Variants in C3orf38 observed in about 807,000 individuals in gnomAD.
The protein encoded by C3orf38 is uncharacterized protein C3orf38.
In C3orf38, 18 loss-of-function variants were observed where a neutral mutation model predicts 28.3. The ratio of observed to expected loss-of-function variants is 0.64; its 90% CI spans 0.44 to 0.94. The LOEUF (loss-of-function observed/expected upper bound fraction) is 0.94. C3orf38 is among the 40% of genes least tolerant of loss of function. C3orf38 has a pLI of 0.00. For missense variants in C3orf38, 364 were observed against 396.4 expected, an observed-to-expected ratio of 0.92 and a Z score of 0.69; for synonymous variants, 145 against 138.1, an observed-to-expected ratio of 1.05 and a Z score of -0.35.
At position 88,156,693 on chromosome 3, in the gene C3orf38, AAG is replaced by A; in HGVS notation, c.*59_*60del. 6.5e-7 allele frequency: 1 copy of A among 1,542,356 alleles called. No homozygotes were observed. The highest frequency in any genetic ancestry group is 1.3e-5 in the South Asian group (1 of 79,008). On this transcript the variant is annotated 3_prime_UTR_variant, in exon 3 of 3. Coordinates refer to ENST00000318887, the MANE Select transcript of C3orf38 (RefSeq NM_173824.4). ...AGAACTGGGTTTACCTGACCCTCTA[AAG>A]CGCTAAGTACTGTCAGCCTGAAAAA... is the stretch of plus-strand genomic sequence containing the variant.
chr3:88,151,503 C>T (rs1707412348), intron 1 of C3orf38, among the ~76,000 whole-genome samples: 1 of 152,144 alleles, frequency 6.6e-6, no homozygotes. Flanking sequence ...TTGAATCTCT[C>T]AGGGATCTTG....
At position 88,153,013 on chromosome 3, in the gene C3orf38, G is replaced by C. The variant is rs574035218; in HGVS notation, c.134-217G>C. On this transcript the variant is annotated intron_variant, in intron 1 of 2. Coordinates refer to ENST00000318887, the MANE Select transcript of C3orf38 (RefSeq NM_173824.4). ...ACTTTCACTATCACTTATGGGAAGT[G>C]AACAGAAGAGATTTTAGGTAAGGGA... 2.6e-5 allele frequency among the ~76,000 whole-genome samples: 4 copies of C among 152,210 alleles called. No homozygotes were observed. In the East Asian group the frequency reaches 7.7e-4, roughly 29 times the overall value.
Position 88,156,324 on chromosome 3 carries a change from TCTC to T in C3orf38, c.683_685del (p.Pro228del). ...TTCACATGGACTGAAATGTGCATCT[TCTC>T]CTCATGGGCTGGTTATGGTTGGAGT... On this transcript the variant is annotated inframe_deletion, in exon 3 of 3. Transcript: ENST00000318887. 6.2e-7 allele frequency: 1 copy of T among 1,614,178 alleles called. No individual in the cohort carries two copies. The highest frequency in any genetic ancestry group is 8.5e-7 in the Non-Finnish European group (1 of 1,180,016).
rs1707474525 is a variant in C3orf38, at chr3:88,156,031, A to G, written c.386A>G (p.Glu129Gly). The G allele has an allele frequency of 6.5e-7, 1 of 1,536,866 alleles. No individual in the cohort carries two copies. Among genetic ancestry groups the G allele is most frequent in the Non-Finnish European group, 8.7e-7 (1 of 1,145,218 alleles). Reference sequence around the variant, plus strand: ...ATTTGTTTCAATCAGCAGGTGAAAGAAGATAAAAAAGCTGAAAAAGTTGAT... The same window carrying G: ...ATTTGTTTCAATCAGCAGGTGAAAGGAGATAAAAAAGCTGAAAAAGTTGAT... ...DIHLFQQQVK[E>G]DKKAEKVDFR... is the part of the protein sequence containing the mutation. The change falls in exon 3 of 3, where the codon GAA becomes GGA. Residue 129 changes from glutamate (E) to glycine (G), a missense_variant. Physicochemically the swap from Glu to Gly is moderately conservative, Grantham distance 98. Coordinates refer to ENST00000318887, the MANE Select transcript of C3orf38 (RefSeq NM_173824.4).
chr3:88,155,045 A>G (rs971715838), intron 2 of C3orf38, among the ~76,000 whole-genome samples: 1 of 152,148 alleles, frequency 6.6e-6, no homozygotes, highest in East Asian at 1.9e-4. Context: ...TTTTTAGTAG[A>G]GACGGGGTTT....
At chr3:88,155,997 A>G (rs777100104) in intron 2 of C3orf38, 24 bp from the exon 3 acceptor site, 4 of 1,499,892 alleles carry the variant, frequency 2.7e-6, no homozygotes, top group Middle Eastern at 1.8e-4. Flanking sequence ...GTTATTTTGT[A>G]TTTATTTTAT....
intron 2 of C3orf38, among the ~76,000 whole-genome samples, chr3:88,154,762 C>A (rs894322885): frequency 6.6e-6 from 1 of 152,138 alleles, no homozygotes; most frequent in African/African-American, 2.4e-5. Flanking sequence ...ATAGCAGGTG[C>A]TCAGTAAACC....
At position 88,157,792 on chromosome 3, in the gene C3orf38, T is replaced by C. The variant is rs949237207; in HGVS notation, c.*1157T>C. The C allele has an allele frequency of 6.6e-6, 1 of 152,160 alleles. No individual in the cohort carries two copies. The highest frequency in any genetic ancestry group is 2.4e-5 in the African/African-American group (1 of 41,448). 9.4% of individuals were successfully genotyped at this position (152,160 alleles called of 1,614,324 possible). On this transcript the variant is annotated 3_prime_UTR_variant, in exon 3 of 3. Transcript: ENST00000318887. ...GGGAAATGTGATGACGTATTGTACA[T>C]GTTACTTTTTCCTTTGCTATAATCA...
At chr3:88,151,125 G>A (rs974640721) in intron 1 of C3orf38, 1 of 151,864 alleles carries the variant, frequency 6.6e-6, no homozygotes, top group Non-Finnish European at 1.5e-5. Context: ...TAATTATAGG[G>A]TATCTAAAAG....
chr3:88,155,933 C>A, intron 2 of C3orf38, 88 bp from the exon 3 acceptor site: 1 of 1,008,904 alleles, frequency 9.9e-7, no homozygotes, highest in Non-Finnish European at 1.4e-6. Context: ...GTAATGGGTT[C>A]ATTCAAACTT....
rs1694668249 is a variant in C3orf38, at chr3:88,157,629, GT to G, written c.*997del. 6.6e-6 allele frequency: 1 copy of G among 152,058 alleles called. No homozygotes were observed. The allele number at this position is 152,058 out of a possible 1,614,324, so 9.4% of individuals were successfully genotyped here. Reference sequence around the variant, plus strand: ...TATTTAGTTTTTTACCTGTTACTAGGTTTGAGTTACATGGTTGAGTTGCCAA... The same window carrying G: ...TATTTAGTTTTTTACCTGTTACTAGGTTGAGTTACATGGTTGAGTTGCCAA... On this transcript the variant is annotated 3_prime_UTR_variant, in exon 3 of 3. Transcript: ENST00000318887.
rs368445546 is a variant in C3orf38 at position 88,157,481 on chromosome 3, G to C, written c.*846G>C. On this transcript the variant is annotated 3_prime_UTR_variant, in exon 3 of 3. Coordinates refer to ENST00000318887, the MANE Select transcript of C3orf38 (RefSeq NM_173824.4). ...GTTCCTAACTTTTAAACGAATTACC[G>C]TTCTTCCTCTTGGCTGATCTTGGCA... 1 of 151,988 alleles carries C rather than the reference G, an allele frequency of 6.6e-6. No homozygotes were observed. The highest frequency in any genetic ancestry group is 1.5e-5 in the Non-Finnish European group (1 of 68,002). 9.4% of individuals were successfully genotyped at this position (151,988 alleles called of 1,614,324 possible). A position where few individuals can be genotyped will look rare whatever the true frequency, so the allele number is the denominator to read the frequency against.
chr3:88,150,338 G>GAGGT (rs1287935175), intron 1 of C3orf38, among the ~76,000 whole-genome samples, 153 bp downstream of exon 1: 2 of 152,252 alleles, frequency 1.3e-5, no homozygotes, highest in Non-Finnish European at 2.9e-5. Context: ...TCAAGGCGGG[G>GAGGT]AGGTGGTGGC....
intron 2 of C3orf38, among the ~76,000 whole-genome samples, chr3:88,155,496 T>A (rs1391352454): frequency 6.6e-6 from 1 of 150,830 alleles, no homozygotes; most frequent in Non-Finnish European, 1.5e-5. Context: ...TCTCGCTCTG[T>A]TGCGCGGGCT....
chr3:88,153,288 A>C lies in C3orf38; in HGVS notation c.192A>C (p.Arg64Ser). ...SQSAEELLRR[R>S]KVHREVIFKY... ...GTGCAGAAGAACTTCTGAGGCGTAGAAAAGTCCACCGAGAAGTTATATTTA... is the reference window on the plus strand; with the variant it reads ...GTGCAGAAGAACTTCTGAGGCGTAGCAAAGTCCACCGAGAAGTTATATTTA... Residue 64 changes from arginine to serine, a missense_variant, in exon 2 of 3, where the codon AGA becomes AGC. Transcript: ENST00000318887. 2.5e-6 allele frequency: 4 copies of C among 1,613,734 alleles called. No individual in the cohort carries two copies. Among genetic ancestry groups the C allele is most frequent in the Non-Finnish European group, 2.5e-6 (3 of 1,179,856 alleles).
At chr3:88,153,998 T>C (rs1040676206) in intron 2 of C3orf38, among the ~76,000 whole-genome samples, 29 of 152,232 alleles carry the variant, frequency 1.9e-4, no homozygotes, top group African/African-American at 5.8e-4. Flanking sequence ...TCTATTGATA[T>C]GTGAGAAAGT....
rs116572795 is a variant in C3orf38, at chr3:88,156,143, A to G, written c.498A>G (p.Glu166=). ...QNPFLGPPQD[E]WGPQHFWHDV... is the part of the protein sequence containing the mutation. The stretch of plus-strand genomic sequence containing the variant: ...CTTTTCTAGGACCACCTCAAGATGA[A>G]TGGGGACCACAGCACTTCTGGCATG... The change falls in exon 3 of 3, where the codon GAA becomes GAG. Residue 166 remains glutamate, a synonymous_variant. Transcript: ENST00000318887. The G allele has an allele frequency of 0.013, 20,581 of 1,613,820 alleles. 160 individuals are homozygous for G. The highest frequency in any genetic ancestry group is 0.023 in the Middle Eastern group (141 of 6,060).
chr3:88,155,095 A>G (rs924531022), intron 2 of C3orf38, among the ~76,000 whole-genome samples: 1 of 152,040 alleles, frequency 6.6e-6, no homozygotes, highest in Non-Finnish European at 1.5e-5. Context: ...CCTAACCTCA[A>G]GTGATCTGCC....
intron 2 of C3orf38, 72 bp downstream of exon 2, chr3:88,153,543 G>A: frequency 6.6e-7 from 1 of 1,515,678 alleles, no homozygotes; most frequent in South Asian, 1.2e-5. Context: ...CCTAGATTGT[G>A]GGGAACATGG....
Sources: gnomAD v4.1 joint callset for allele counts (sites outside exome capture counted in the v4.1 genomes callset) on GRCh38, gnomAD v4.1.1 for gene constraint, MANE v1.5 for transcripts, NCBI Gene and HGNC (gene_info 2026-07-23, HGNC 2026-07-21) for gene names.